Variants in SPATA13 observed in about 807,000 individuals in gnomAD.
SPATA13 encodes spermatogenesis-associated protein 13.
A neutral mutation model predicts 104.0 loss-of-function variants in SPATA13; 50 were observed. The observed-to-expected ratio is 0.48, with a 90% CI of 0.38 to 0.61. The LOEUF is 0.61. SPATA13 is among the 20% of genes least tolerant of loss of function. The pLI is 0.00. For synonymous variants in SPATA13, 606 were observed against 667.5 expected (o/e 0.91, Z 1.42); for missense variants, 1,524 against 1,690.6 (o/e 0.90, Z 1.73).
intron 3 of SPATA13, among the ~76,000 whole-genome samples, chr13:24,082,977 C>T (rs912431111): frequency 5.3e-5 from 8 of 152,074 alleles, no homozygotes; most frequent in Non-Finnish European, 8.8e-5. Context: ...TGTAATTTTG[C>T]CAAGTGCTTC....
At chr13:24,129,404 T>C (rs1455639678) in intron 3 of SPATA13, among the ~76,000 whole-genome samples, 1 of 152,244 alleles carries the variant, frequency 6.6e-6, no homozygotes, top group Non-Finnish European at 1.5e-5. Flanking sequence ...AGAACAAGGC[T>C]TGTCCAGAGA....
intron 2 of SPATA13, among the ~76,000 whole-genome samples, chr13:24,232,623 C>T (rs888018376): frequency 6.6e-6 from 1 of 152,178 alleles, no homozygotes; most frequent in African/African-American, 2.4e-5. Flanking sequence ...CTTACTGCAG[C>T]CTCAACCTCC....
intron 1 of SPATA13, among the ~76,000 whole-genome samples, chr13:24,174,995 A>ACCTCCGCC: frequency 6.6e-6 from 1 of 152,194 alleles, no homozygotes; most frequent in Non-Finnish European, 1.5e-5. Flanking sequence ...TTCTAGTTTA[A>ACCTCCGCC]TTCCATTACG....
intron 3 of SPATA13, among the ~76,000 whole-genome samples, chr13:24,086,352 T>C (rs1043927285): frequency 3.9e-5 from 6 of 152,068 alleles, no homozygotes; most frequent in Admixed American, 1.3e-4. Flanking sequence ...CAAGGGGAAG[T>C]CACTGAAGTT....
rs1323753253 is a variant in SPATA13 at position 24,223,190 on chromosome 13, C to T, written c.261C>T (p.Pro87=). 6.4e-6 allele frequency: 10 copies of T among 1,551,582 alleles called. No individual in the cohort carries two copies. Among genetic ancestry groups the T allele is most frequent in the Non-Finnish European group, 4.4e-6 (5 of 1,147,016 alleles). ...STSRKRTGAH[P]ERPHSMVLVG... ...GTCGGAAGAGGACGGGTGCCCACCC[C>T]GAGCGGCCCCACTCCATGGTCCTGG... The change falls in exon 2 of 13, where the codon CCC becomes CCT. Residue 87 remains proline, a synonymous_variant. Coordinates refer to ENST00000382108, the MANE Select transcript of SPATA13 (RefSeq NM_001166271.3).
At chr13:24,256,066 A>G (rs1306168713) in intron 4 of SPATA13, among the ~76,000 whole-genome samples, 1 of 152,252 alleles carries the variant, frequency 6.6e-6, no homozygotes, top group Non-Finnish European at 1.5e-5. Context: ...AGTTGGTGGG[A>G]AATAGTTGAA....
intron 3 of SPATA13, among the ~76,000 whole-genome samples, chr13:24,019,815 A>T (rs1876894553): frequency 6.6e-6 from 1 of 152,164 alleles, no homozygotes; most frequent in Non-Finnish European, 1.5e-5. Flanking sequence ...GGTGTTTAGG[A>T]AAAGCTTCTA....
chr13:24,290,934 C>T lies in SPATA13; in HGVS notation c.3080+50C>T, dbSNP rs778129360. Reference sequence around the variant, plus strand: ...AGGTGAGAGCACTGCTGCCATTACCCGTAGGCAGCTCTTAACTCCAGGCAG... The same window carrying T: ...AGGTGAGAGCACTGCTGCCATTACCTGTAGGCAGCTCTTAACTCCAGGCAG... On this transcript the variant is annotated intron_variant, in intron 9 of 12. Transcript: ENST00000382108. 6.2e-6 allele frequency: 9 copies of T among 1,453,620 alleles called. No individual in the cohort carries two copies. The East Asian group carries it at 9.4e-5, about 15-fold the overall frequency. The allele number at this position is 1,453,620 out of a possible 1,614,324, so 90.0% of individuals were successfully genotyped here.
chr13:24,140,018 A>C (rs1199053032), intron 3 of SPATA13, among the ~76,000 whole-genome samples: 3 of 151,750 alleles, frequency 2.0e-5, no homozygotes, highest in Non-Finnish European at 2.9e-5. Context: ...GCAGTGAGCC[A>C]AGGTCGTGCC....
At chr13:24,272,108 C>T (rs1330104029) in intron 4 of SPATA13, among the ~76,000 whole-genome samples, 3 of 152,204 alleles carry the variant, frequency 2.0e-5, no homozygotes, top group African/African-American at 4.8e-5. Flanking sequence ...TCCCAGGGTT[C>T]CTGCACCCAT....
chr13:24,294,987 C>A, intron 10 of SPATA13, 119 bp downstream of exon 10: 2 of 990,856 alleles, frequency 2.0e-6, no homozygotes, highest in Non-Finnish European at 2.8e-6. Flanking sequence ...TTTAATGGTA[C>A]ATATACCATT....
chr13:23,990,952 A>T (rs942877), intron 2 of SPATA13, among the ~76,000 whole-genome samples: 3,072 of 152,268 alleles, frequency 0.02, 76 homozygotes, highest in African/African-American at 0.069. Flanking sequence ...TGGCAAGAAG[A>T]GAAAGCTGAG....
intron 3 of SPATA13, among the ~76,000 whole-genome samples, chr13:24,116,855 C>T (rs1402715486): frequency 1.3e-5 from 2 of 151,484 alleles, no homozygotes; most frequent in African/African-American, 4.8e-5. Context: ...GTGGGACTCT[C>T]ATAATGGCAT....
At chr13:24,290,314 A>G (rs967493894) in intron 8 of SPATA13, among the ~76,000 whole-genome samples, 1 of 152,148 alleles carries the variant, frequency 6.6e-6, no homozygotes, top group Non-Finnish European at 1.5e-5. Flanking sequence ...GAGTTGAAAA[A>G]ATTTGTGGGA....
intron 2 of SPATA13, among the ~76,000 whole-genome samples, 185 bp from the exon 3 acceptor site, chr13:24,249,292 T>A (rs1873338955): frequency 6.6e-6 from 1 of 152,246 alleles, no homozygotes; most frequent in South Asian, 2.1e-4. Context: ...TAAGAATAGA[T>A]TTGGTTATTT....
chr13:24,292,401 AAGCC>A (rs1876455192), intron 9 of SPATA13, among the ~76,000 whole-genome samples: 2 of 152,338 alleles, frequency 1.3e-5, no homozygotes, highest in South Asian at 4.1e-4. Flanking sequence ...GCCAGGCTCC[AAGCC>A]AGGCTACCCA....
intron 3 of SPATA13, among the ~76,000 whole-genome samples, chr13:24,096,930 A>G (rs1880104498): frequency 6.6e-6 from 1 of 152,214 alleles, no homozygotes; most frequent in African/African-American, 2.4e-5. Flanking sequence ...AAGCAAGAGC[A>G]TGACATAGCT....
Position 24,223,719 on chromosome 13 carries a change from A to G in SPATA13, c.790A>G (p.Ser264Gly), listed in dbSNP as rs1437063318. 4 of 1,552,110 alleles carry G rather than the reference A, an allele frequency of 2.6e-6. No homozygotes were observed. The Admixed American group carries it at 7.8e-5, about 30-fold the overall frequency. Residue 264 changes from serine to glycine, a missense_variant, in exon 2 of 13, where the codon AGC becomes GGC. Physicochemically the swap from Ser to Gly is moderately conservative, Grantham distance 56 (BLOSUM62 0). Coordinates refer to ENST00000382108, the MANE Select transcript of SPATA13 (RefSeq NM_001166271.3). ...GGACAATCTTGCCTTTCTGAAGAAGAGCTCCTTTAAGCGGAAGTCCACCTC... is the reference window on the plus strand; with the variant it reads ...GGACAATCTTGCCTTTCTGAAGAAGGGCTCCTTTAAGCGGAAGTCCACCTC... ...STDNLAFLKK[S>G]SFKRKSTSNL...
chr13:24,154,542 A>G (rs1427429589), intron 3 of SPATA13, among the ~76,000 whole-genome samples: 2 of 152,224 alleles, frequency 1.3e-5, no homozygotes. Context: ...GGAGGGGCAC[A>G]TAAGGGAGTC....
Sources: allele counts gnomAD v4.1 joint callset (sites outside exome capture counted in the v4.1 genomes callset), GRCh38; gene constraint gnomAD v4.1.1; transcripts MANE v1.5; gene names NCBI Gene and HGNC (gene_info 2026-07-23, HGNC 2026-07-21).